THRB: variants seen among roughly 807,000 people sequenced by gnomAD.
THRB encodes thyroid hormone receptor beta.
A neutral mutation model predicts 47.8 loss-of-function variants in THRB; 12 were observed. The observed-to-expected ratio is 0.25, with a 90% confidence interval of 0.16 to 0.41. The LOEUF (loss-of-function observed/expected upper bound fraction) is 0.41. Ranked by LOEUF, THRB falls within the 10% of genes least tolerant of loss-of-function variation. The pLI is 1.00. For synonymous variants in THRB, 218 were observed against 212.2 expected, an observed-to-expected ratio of 1.03 and a Z score of -0.24; for missense variants, 348 against 589.2, an observed-to-expected ratio of 0.59 and a Z score of 4.24.
At chr3:24,144,260 T>G (rs1039076333) in intron 7 of THRB, 1 of 169,602 alleles carries the variant, frequency 5.9e-6, no homozygotes, top group Non-Finnish European at 1.3e-5. Context: ...TAAGGGCTAA[T>G]TGGAATGTGG....
intron 3 of THRB, among the ~76,000 whole-genome samples, chr3:24,254,731 T>A (rs1049327241): frequency 3.9e-5 from 6 of 152,230 alleles, no homozygotes; most frequent in South Asian, 2.1e-4. Flanking sequence ...ATAAGGCAGT[T>A]CATTCTAGGG....
chr3:24,489,294 A>T (rs1316415074), intron 1 of THRB, among the ~76,000 whole-genome samples: 1 of 152,198 alleles, frequency 6.6e-6, no homozygotes, highest in Non-Finnish European at 1.5e-5. Flanking sequence ...ATATCATTTA[A>T]TTTCTGGTAA....
At chr3:24,457,613 T>C (rs2073308830) in intron 1 of THRB, among the ~76,000 whole-genome samples, 1 of 152,170 alleles carries the variant, frequency 6.6e-6, no homozygotes, top group South Asian at 2.1e-4. Context: ...TTAAAGAACA[T>C]TGCTGAAAAT....
chr3:24,140,345 TTTTC>T (rs2035271940), intron 8 of THRB, among the ~76,000 whole-genome samples: 2 of 152,310 alleles, frequency 1.3e-5, no homozygotes, highest in East Asian at 1.9e-4. Flanking sequence ...CAATTTTTAA[TTTTC>T]TTTCTGAGTT....
Position 24,122,995 on chromosome 3 carries a change from C to A in THRB, c.1275G>T (p.Val425=), listed in dbSNP as rs1341621855. ...AGGCTCCTATCATCCGCAGATCTGT[C>A]ACCTTCATCAGGAGTTTTGGCCAAA... ...THFWPKLLMK[V]TDLRMIGACH... The change falls in exon 11 of 11, where the codon GTG becomes GTT. Residue 425 remains valine, a synonymous_variant. Transcript: ENST00000646209. The A allele has an allele frequency of 6.2e-7, 1 of 1,614,210 alleles. No individual in the cohort carries two copies. Among genetic ancestry groups the A allele is most frequent in the African/African-American group, 1.3e-5 (1 of 75,048 alleles).
At chr3:24,237,071 G>C (rs1427628966) in intron 3 of THRB, among the ~76,000 whole-genome samples, 1 of 152,148 alleles carries the variant, frequency 6.6e-6, no homozygotes, top group Non-Finnish European at 1.5e-5. Flanking sequence ...GTTAGACTGG[G>C]CATGAGCCTA....
At chr3:24,322,878 C>T (rs539937765) in intron 2 of THRB, among the ~76,000 whole-genome samples, 1 of 152,298 alleles carries the variant, frequency 6.6e-6, no homozygotes, top group Admixed American at 6.5e-5. Context: ...TCCATCTCTC[C>T]TACCTAATAT....
chr3:24,127,806 G>A, intron 9 of THRB, 49 bp from the exon 10 acceptor site: 1 of 1,606,030 alleles, frequency 6.2e-7, no homozygotes, highest in African/African-American at 1.3e-5. Flanking sequence ...AAAAATGCCA[G>A]TCAGGAACAA....
intron 1 of THRB, among the ~76,000 whole-genome samples, chr3:24,406,820 T>G (rs960351044): frequency 6.6e-6 from 1 of 151,814 alleles, no homozygotes; most frequent in African/African-American, 2.4e-5. Context: ...AACAAAACAA[T>G]TGGAATCAGA....
chr3:24,371,547 C>A (rs1311965082), intron 1 of THRB, among the ~76,000 whole-genome samples: 1 of 152,066 alleles, frequency 6.6e-6, no homozygotes, highest in Non-Finnish European at 1.5e-5. Flanking sequence ...CCGGCAGTGT[C>A]AGAATTACTC....
chr3:24,207,960 C>A (rs1158107810), intron 4 of THRB, among the ~76,000 whole-genome samples: 1 of 152,170 alleles, frequency 6.6e-6, no homozygotes, highest in Non-Finnish European at 1.5e-5. Context: ...TCGTCTCAGC[C>A]CAAAATCTCC....
chr3:24,208,034 C>T (rs892627511), intron 4 of THRB, among the ~76,000 whole-genome samples: 7 of 152,124 alleles, frequency 4.6e-5, no homozygotes, highest in Non-Finnish European at 8.8e-5. Flanking sequence ...AAATCACAAG[C>T]ATTCCTATAC....
At chr3:24,463,130 A>C (rs895884636) in intron 1 of THRB, among the ~76,000 whole-genome samples, 1 of 152,258 alleles carries the variant, frequency 6.6e-6, no homozygotes, top group Non-Finnish European at 1.5e-5. Context: ...TTAAGGGAGA[A>C]GGAAGAAATA....
intron 5 of THRB, among the ~76,000 whole-genome samples, chr3:24,161,282 G>A (rs1305622828): frequency 1.3e-5 from 2 of 152,186 alleles, no homozygotes; most frequent in Middle Eastern, 3.4e-3. Flanking sequence ...AGTTACATAC[G>A]CATTGTTGAA....
chr3:24,219,061 G>A (rs927993971), intron 4 of THRB, among the ~76,000 whole-genome samples: 2 of 152,090 alleles, frequency 1.3e-5, no homozygotes, highest in African/African-American at 2.4e-5. Flanking sequence ...GAGCCCAGGA[G>A]TTTAAGACCA....
intron 3 of THRB, among the ~76,000 whole-genome samples, chr3:24,265,608 TTA>T (rs1392744396): frequency 4.6e-5 from 7 of 152,190 alleles, no homozygotes; most frequent in African/African-American, 1.7e-4. Context: ...CAAAGAATAC[TTA>T]TCTTAGAAAT....
intron 1 of THRB, among the ~76,000 whole-genome samples, chr3:24,369,316 A>T (rs1353138064): frequency 1.3e-5 from 2 of 152,108 alleles, no homozygotes; most frequent in Non-Finnish European, 2.9e-5. Context: ...CTCTGCTGGG[A>T]GGTTTGACTC....
intron 1 of THRB, among the ~76,000 whole-genome samples, chr3:24,439,473 C>T (rs1441252409): frequency 6.6e-6 from 1 of 152,168 alleles, no homozygotes; most frequent in Non-Finnish European, 1.5e-5. Context: ...CTTTACAAAA[C>T]CATATCCATA....
intron 4 of THRB, among the ~76,000 whole-genome samples, chr3:24,228,609 G>C (rs2047922846): frequency 6.7e-6 from 1 of 148,956 alleles, no homozygotes; most frequent in East Asian, 2.0e-4. Context: ...CTCCAGCCTG[G>C]GTGACAGAGC....
Sources: allele counts gnomAD v4.1 joint callset (sites outside exome capture counted in the v4.1 genomes callset), GRCh38; gene constraint gnomAD v4.1.1; transcripts MANE v1.5; gene names NCBI Gene and HGNC (gene_info 2026-07-23, HGNC 2026-07-21).